ADGRG7: variants seen among roughly 807,000 people sequenced by gnomAD.
ADGRG7 encodes the protein adhesion G protein-coupled receptor G7, also known as G-protein coupled receptor 128.
Under a neutral mutation model 88.6 loss-of-function variants are expected in ADGRG7, and 82 were observed. That is an observed-to-expected ratio of 0.93 (90% CI 0.77 to 1.11). ADGRG7 has a LOEUF of 1.11. Ranked by LOEUF, ADGRG7 falls within the 50% of genes most tolerant of loss-of-function variation. The probability of loss-of-function intolerance (pLI) is 0.00; values close to 1 mark genes in which losing one functional copy is unlikely to be tolerated. For missense variants in ADGRG7, 945 were observed against 953.4 expected (o/e 0.99, Z 0.12); for synonymous variants, 381 against 345.2 (o/e 1.10, Z -1.15).
At chr3:100,662,956 G>A (rs2094947442) in intron 14 of ADGRG7, among the ~76,000 whole-genome samples, 1 of 152,084 alleles carries the variant, frequency 6.6e-6, no homozygotes, top group African/African-American at 2.4e-5. Context: ...AAATGTTTGA[G>A]AACATTTTAG....
chr3:100,649,413 T>A (rs1471392783), intron 10 of ADGRG7, among the ~76,000 whole-genome samples: 1 of 152,230 alleles, frequency 6.6e-6, no homozygotes, highest in East Asian at 1.9e-4. Flanking sequence ...CATCTGCAAG[T>A]TGTTCTGAAA....
At chr3:100,677,711 A>C (rs948848890) in intron 15 of ADGRG7, among the ~76,000 whole-genome samples, 3 of 152,178 alleles carry the variant, frequency 2.0e-5, no homozygotes, top group African/African-American at 4.8e-5. Flanking sequence ...TTAGGCTAGA[A>C]GTTTTTCCCT....
intron 4 of ADGRG7, among the ~76,000 whole-genome samples, chr3:100,635,002 C>CAT (rs1187378204): frequency 7.0e-6 from 1 of 141,968 alleles, no homozygotes; most frequent in East Asian, 2.0e-4. Context: ...AAAACCAAGA[C>CAT]ACACACACAC....
chr3:100,665,517 AC>A, intron 14 of ADGRG7: 1 of 467,042 alleles, frequency 2.1e-6, no homozygotes, highest in South Asian at 1.6e-5. Flanking sequence ...TCACTTGGGC[AC>A]CTTTTTCTAG....
chr3:100,671,366 G>C (rs138382058), intron 15 of ADGRG7, among the ~76,000 whole-genome samples: 10 of 152,172 alleles, frequency 6.6e-5, no homozygotes, highest in Admixed American at 3.3e-4. Flanking sequence ...AGAAGTGTCT[G>C]TTCATATCCT....
chr3:100,618,891 A>C (rs1707265865), intron 1 of ADGRG7, among the ~76,000 whole-genome samples: 1 of 151,914 alleles, frequency 6.6e-6, no homozygotes, highest in Non-Finnish European at 1.5e-5. Flanking sequence ...CTTTTATTTC[A>C]CTGAGTAGTG....
chr3:100,659,499 A>G (rs953212830), intron 13 of ADGRG7, among the ~76,000 whole-genome samples, 189 bp from the exon 14 acceptor site: 6 of 150,534 alleles, frequency 4.0e-5, no homozygotes, highest in African/African-American at 1.5e-4. Flanking sequence ...AAGTTATAGT[A>G]TATTATTTCA....
rs57699713 is a variant in ADGRG7, at chr3:100,622,264, AT to A, written c.116-7313del. Among the ~76,000 whole-genome samples, 339 of 130,876 alleles carry A rather than the reference AT, an allele frequency of 2.6e-3. 1 individual carries two copies. Among genetic ancestry groups the A allele is most frequent in the African/African-American group, 9.6e-3 (317 of 33,020 alleles). 85.9% of individuals were successfully genotyped at this position (130,876 alleles called of 152,430 possible). ...AAGATGTAAGTCTCTCTCTATATTC[AT>A]TTTTTTTTTTTTTTTTTTTTGCTTA... On this transcript the variant is annotated intron_variant, in intron 1 of 15. Coordinates refer to ENST00000273352, the MANE Select transcript of ADGRG7 (RefSeq NM_032787.3).
chr3:100,609,708 C>G lies in ADGRG7; in HGVS notation c.-149C>G. Reference sequence around the variant, plus strand: ...TCCTACTGGATTAGCCTCAAAAGTCCTAAAATACAAAGACATCCATCTGAC... The same window carrying G: ...TCCTACTGGATTAGCCTCAAAAGTCGTAAAATACAAAGACATCCATCTGAC... On this transcript the variant is annotated 5_prime_UTR_variant, in exon 1 of 16. Coordinates refer to ENST00000273352, the MANE Select transcript of ADGRG7 (RefSeq NM_032787.3). The G allele has an allele frequency of 1.7e-6, 1 of 582,294 alleles. No individual in the cohort carries two copies. The highest frequency in any genetic ancestry group is 3.0e-5 in the Admixed American group (1 of 33,832). 36.1% of individuals were successfully genotyped at this position (582,294 alleles called of 1,614,324 possible). A position where few individuals can be genotyped will look rare whatever the true frequency, so the allele number is the denominator to read the frequency against.
chr3:100,637,093 C>T (rs561334013), intron 5 of ADGRG7, among the ~76,000 whole-genome samples: 1 of 152,130 alleles, frequency 6.6e-6, no homozygotes, highest in African/African-American at 2.4e-5. Flanking sequence ...AATTCACTAC[C>T]TTAATTTATA....
intron 8 of ADGRG7, among the ~76,000 whole-genome samples, chr3:100,645,495 G>C (rs1291098967): frequency 6.6e-6 from 1 of 152,196 alleles, no homozygotes; most frequent in African/African-American, 2.4e-5. Flanking sequence ...ACAGGAGACC[G>C]ACCTCATCTG....
intron 11 of ADGRG7, among the ~76,000 whole-genome samples, chr3:100,653,576 TA>T (rs550456003): frequency 2.6e-5 from 4 of 152,162 alleles, no homozygotes; most frequent in African/African-American, 9.7e-5. Context: ...CATGTTATAT[TA>T]AAAAAACTGC....
chr3:100,674,845 G>A (rs1260867385), intron 15 of ADGRG7, among the ~76,000 whole-genome samples: 1 of 152,188 alleles, frequency 6.6e-6, no homozygotes, highest in Non-Finnish European at 1.5e-5. Flanking sequence ...CCAAAGTGCT[G>A]GGATTATAGG....
chr3:100,611,587 T>C (rs1559667040), intron 1 of ADGRG7, among the ~76,000 whole-genome samples: 1 of 152,122 alleles, frequency 6.6e-6, no homozygotes. Context: ...GGAGGCATAA[T>C]AAGTAATAAA....
Position 100,637,307 on chromosome 3 carries a change from G to A in ADGRG7, c.603G>A (p.Lys201=). Reference sequence around the variant, plus strand: ...CAGTATCTTCTCTTTGGCAGGCAAAGAAAGTTGCCATAGTAACAGTGAGTC... The same window carrying A: ...CAGTATCTTCTCTTTGGCAGGCAAAAAAAGTTGCCATAGTAACAGTGAGTC... ...NTSRNASPEA[K]KVAIVTVSQL... is the part of the protein sequence containing the mutation. The change falls in exon 6 of 16, where the codon AAG becomes AAA. Residue 201 remains lysine, a synonymous_variant. Transcript: ENST00000273352. The A allele has an allele frequency of 6.2e-7, 1 of 1,610,700 alleles. No homozygotes were observed. The highest frequency in any genetic ancestry group is 8.5e-7 in the Non-Finnish European group (1 of 1,177,078).
intron 1 of ADGRG7, among the ~76,000 whole-genome samples, chr3:100,626,770 G>C (rs1474503727): frequency 2.0e-5 from 3 of 152,076 alleles, no homozygotes; most frequent in Admixed American, 6.5e-5. Context: ...AGGCAACAGA[G>C]CAAGACTCCG....
chr3:100,694,240 T>G (rs1302879030), intron 15 of ADGRG7, among the ~76,000 whole-genome samples: 1 of 152,188 alleles, frequency 6.6e-6, no homozygotes, highest in Non-Finnish European at 1.5e-5. Context: ...TTATTCAGTG[T>G]TTTGTGGCTC....
chr3:100,644,459 G>A (rs1707706325), intron 8 of ADGRG7, among the ~76,000 whole-genome samples: 1 of 152,050 alleles, frequency 6.6e-6, no homozygotes, highest in South Asian at 2.1e-4. Context: ...ATACAGAAAA[G>A]TACAGAAAGT....
At chr3:100,620,801 C>T (rs935104717) in intron 1 of ADGRG7, among the ~76,000 whole-genome samples, 17 of 151,824 alleles carry the variant, frequency 1.1e-4, no homozygotes, top group Non-Finnish European at 2.5e-4. Flanking sequence ...AATACAGACA[C>T]ACCTTGTTTT....
Sources: allele counts gnomAD v4.1 joint callset (sites outside exome capture counted in the v4.1 genomes callset), GRCh38; gene constraint gnomAD v4.1.1; transcripts MANE v1.5; gene names NCBI Gene and HGNC (gene_info 2026-07-23, HGNC 2026-07-21).